MAP4K5: variants seen among roughly 807,000 people sequenced by gnomAD.
The protein encoded by MAP4K5 is MAPK/ERK kinase kinase kinase 5.
In MAP4K5, 82 loss-of-function variants were observed where a neutral mutation model predicts 135.6. The observed-to-expected ratio is 0.60, with a 90% CI of 0.51 to 0.73. MAP4K5 has a LOEUF of 0.73. Ranked by LOEUF, MAP4K5 falls within the 30% of genes least tolerant of loss-of-function variation. MAP4K5 has a pLI of 0.00. For synonymous variants in MAP4K5, 347 were observed against 335.0 expected, an observed-to-expected ratio of 1.04 and a Z score of -0.39; for missense variants, 907 against 1,010.9, an observed-to-expected ratio of 0.90 and a Z score of 1.39.
intron 1 of MAP4K5, among the ~76,000 whole-genome samples, chr14:50,544,297 C>T (rs915650212): frequency 6.6e-6 from 1 of 152,190 alleles, no homozygotes; most frequent in African/African-American, 2.4e-5. Flanking sequence ...CCAATAACTA[C>T]CCTCTTTTCT....
chr14:50,429,296 T>C lies in MAP4K5; in HGVS notation c.2165-36A>G, dbSNP rs957502315. 3.1e-6 allele frequency: 4 copies of C among 1,284,342 alleles called. No individual in the cohort carries two copies. The African/African-American group carries it at 4.5e-5, about 14-fold the overall frequency. 79.6% of individuals were successfully genotyped at this position (1,284,342 alleles called of 1,614,324 possible). ...AAAAAACAAGGTTACAATTATACTTTTAAAACCTAGAGCCTAGAAAATAAA... is the reference window on the plus strand; with the variant it reads ...AAAAAACAAGGTTACAATTATACTTCTAAAACCTAGAGCCTAGAAAATAAA... On this transcript the variant is annotated intron_variant, in intron 28 of 32. Transcript: ENST00000682126.
chr14:50,453,141 T>C (rs2036527871), intron 14 of MAP4K5, among the ~76,000 whole-genome samples: 1 of 152,092 alleles, frequency 6.6e-6, no homozygotes, highest in South Asian at 2.1e-4. Flanking sequence ...GCTAAAACTA[T>C]ACAATTAAAC....
chr14:50,446,163 C>A (rs1314634269), intron 16 of MAP4K5, 42 bp from the exon 17 acceptor site: 1 of 1,307,872 alleles, frequency 7.6e-7, no homozygotes, highest in Non-Finnish European at 1.1e-6. Flanking sequence ...TGATAAATGA[C>A]CGTAACCGAA....
chr14:50,434,599 T>C (rs752183383), intron 27 of MAP4K5, 28 bp from the exon 28 acceptor site: 1 of 1,551,864 alleles, frequency 6.4e-7, no homozygotes, highest in Admixed American at 2.0e-5. Context: ...AATAGAGCCA[T>C]AATTCAGAAA....
At chr14:50,460,042 T>C (rs192191230) in intron 13 of MAP4K5, among the ~76,000 whole-genome samples, 1 of 152,214 alleles carries the variant, frequency 6.6e-6, no homozygotes, top group East Asian at 1.9e-4. Flanking sequence ...GCCTTTTCCC[T>C]TATCACTAGG....
intron 9 of MAP4K5, among the ~76,000 whole-genome samples, chr14:50,474,762 C>A (rs569944960): frequency 6.6e-6 from 1 of 152,196 alleles, no homozygotes; most frequent in African/African-American, 2.4e-5. Context: ...TGGAAAAGTC[C>A]TAGATTAAAA....
At position 50,462,703 on chromosome 14, in the gene MAP4K5, G is replaced by C; in HGVS notation, c.898C>G (p.His300Asp). ...TCATCTGCTTCAGTGTAATGTGCGT[G>C]GTTATCTGGATTGTTCACTTTGTCT... is the stretch of plus-strand genomic sequence containing the variant. ...LLDKVNNPDN[H>D]AHYTEADDDD... Residue 300 changes from histidine (H) to aspartate (D), a missense_variant, in exon 13 of 33, where the codon CAC becomes GAC. Physicochemically the swap from His to Asp is moderately conservative, Grantham distance 81. Transcript: ENST00000682126. The C allele has an allele frequency of 6.2e-7, 1 of 1,605,562 alleles. No homozygotes were observed. The highest frequency in any genetic ancestry group is 1.1e-5 in the South Asian group (1 of 89,188).
chr14:50,531,897 G>A (rs1566700289), intron 2 of MAP4K5, 45 bp downstream of exon 2: 2 of 1,344,018 alleles, frequency 1.5e-6, no homozygotes, highest in South Asian at 1.2e-5. Context: ...CCCATTCCCG[G>A]GACCCAGTCG....
intron 1 of MAP4K5, chr14:50,560,451 G>A: frequency 1.9e-6 from 2 of 1,065,934 alleles, no homozygotes; most frequent in South Asian, 1.4e-5. Context: ...CTGTTTGGGC[G>A]GAGGAACCAT....
intron 30 of MAP4K5, among the ~76,000 whole-genome samples, chr14:50,428,390 G>A (rs963868461): frequency 1.3e-5 from 2 of 152,054 alleles, no homozygotes; most frequent in African/African-American, 4.8e-5. Flanking sequence ...CAAGTAGTTG[G>A]GATTACAGGC....
intron 28 of MAP4K5, among the ~76,000 whole-genome samples, chr14:50,432,744 C>T (rs1328078919): frequency 7.0e-6 from 1 of 142,426 alleles, no homozygotes; most frequent in Admixed American, 7.0e-5. Flanking sequence ...TGCTGATGAG[C>T]AAAAAAAAAA....
intron 18 of MAP4K5, among the ~76,000 whole-genome samples, chr14:50,444,744 G>A (rs2036304764): frequency 6.6e-6 from 1 of 152,070 alleles, no homozygotes; most frequent in African/African-American, 2.4e-5. Context: ...ACCTTCTGCT[G>A]TAGACCCTGA....
Position 50,428,677 on chromosome 14 carries a change from GAAAATC to G in MAP4K5, c.2305_2310del (p.Asp769_Phe770del). On this transcript the variant is annotated inframe_deletion, in exon 30 of 33. Coordinates refer to ENST00000682126, the MANE Select transcript of MAP4K5 (RefSeq NM_006575.6). Reference sequence around the variant, plus strand: ...GGAAACTTACCTACAGATTCAATGCGAAAATCAAAACTTAACTCAGAGGCCAGTTTC... The same window carrying G: ...GGAAACTTACCTACAGATTCAATGCGAAAACTTAACTCAGAGGCCAGTTTC... 6.6e-7 allele frequency: 1 copy of G among 1,510,244 alleles called. No homozygotes were observed. The highest frequency in any genetic ancestry group is 8.8e-7 in the Non-Finnish European group (1 of 1,130,916). 93.6% of individuals were successfully genotyped at this position (1,510,244 alleles called of 1,614,324 possible).
chr14:50,426,018 A>C (rs1489656277), intron 30 of MAP4K5, 41 bp from the exon 31 acceptor site: 1 of 1,228,966 alleles, frequency 8.1e-7, no homozygotes, highest in African/African-American at 1.5e-5. Context: ...TATAAAGCAC[A>C]GAGCATTTCA....
intron 2 of MAP4K5, among the ~76,000 whole-genome samples, chr14:50,505,925 T>C (rs2037800746): frequency 9.9e-6 from 1 of 101,362 alleles, no homozygotes; most frequent in Non-Finnish European, 2.7e-5. Flanking sequence ...TCAAAGGTTG[T>C]GAATATGAAC....
At chr14:50,530,785 T>C (rs2038368832) in intron 2 of MAP4K5, among the ~76,000 whole-genome samples, 1 of 150,392 alleles carries the variant, frequency 6.6e-6, no homozygotes, top group African/African-American at 2.5e-5. Flanking sequence ...AAAAAGCCTA[T>C]CCATTACAGT....
Position 50,532,005 on chromosome 14 carries a change from G to A in MAP4K5, c.45C>T (p.Asn15=). The A allele has an allele frequency of 6.3e-7, 1 of 1,598,532 alleles. No homozygotes were observed. The highest frequency in any genetic ancestry group is 8.5e-7 in the Non-Finnish European group (1 of 1,172,566). Residue 15 remains asparagine (N), a synonymous_variant, in exon 2 of 33, where the codon AAC becomes AAT. Transcript: ENST00000682126. ...LRPAADILRR[N]PQQDYELVQR... is the part of the protein sequence containing the mutation. ...GGACGAGTTCGTAGTCCTGCTGCGG[G>A]TTCCGCCTCAGGATGTCCGCGGCAG...
chr14:50,467,343 A>C (rs556828764), intron 10 of MAP4K5, among the ~76,000 whole-genome samples: 1 of 152,182 alleles, frequency 6.6e-6, no homozygotes, highest in Non-Finnish European at 1.5e-5. Context: ...CTAAAAATTA[A>C]ATGATTCAAA....
intron 2 of MAP4K5, among the ~76,000 whole-genome samples, chr14:50,525,529 T>G (rs1863490448): frequency 6.6e-6 from 1 of 152,134 alleles, no homozygotes; most frequent in African/African-American, 2.4e-5. Flanking sequence ...GTAAGATATT[T>G]CCTCCTAAAA....
Sources: gnomAD v4.1 joint callset for allele counts (sites outside exome capture counted in the v4.1 genomes callset) on GRCh38, gnomAD v4.1.1 for gene constraint, MANE v1.5 for transcripts, NCBI Gene and HGNC (gene_info 2026-07-23, HGNC 2026-07-21) for gene names.